The following IGSF21 variants were observed in gnomAD, a reference collection of about 807,000 sequenced individuals.
IGSF21 encodes immunoglobulin superfamily member 21.
A neutral mutation model predicts 46.8 loss-of-function variants in IGSF21; 28 were observed. The observed-to-expected ratio is 0.60, with a 90% CI of 0.44 to 0.82. The LOEUF (loss-of-function observed/expected upper bound fraction) is 0.82, where lower values mean the gene tolerates loss of function less well. Among genes scored for constraint, IGSF21 ranks in the 40% least tolerant of loss-of-function variants. IGSF21 has a pLI of 0.00. For synonymous variants in IGSF21, 284 were observed against 273.6 expected, an observed-to-expected ratio of 1.04 and a Z score of -0.38; for missense variants, 624 against 665.5, an observed-to-expected ratio of 0.94 and a Z score of 0.69.
At chr1:18,116,916 G>T (rs1003337839) in intron 1 of IGSF21, among the ~76,000 whole-genome samples, 4 of 152,188 alleles carry the variant, frequency 2.6e-5, no homozygotes, top group South Asian at 4.1e-4. Flanking sequence ...GGCAAGTGAG[G>T]GTTGGAGCTA....
chr1:18,135,533 T>C (rs1570255953), intron 1 of IGSF21, among the ~76,000 whole-genome samples: 1 of 151,964 alleles, frequency 6.6e-6, no homozygotes, highest in African/African-American at 2.4e-5. Context: ...GTCCTTGCGA[T>C]AGTTTGCTGA....
chr1:18,299,823 C>T (rs534584156), intron 3 of IGSF21, among the ~76,000 whole-genome samples: 4 of 152,254 alleles, frequency 2.6e-5, no homozygotes, highest in African/African-American at 7.2e-5. Context: ...TGGCTTTCCA[C>T]CCCAAGTGGG....
chr1:18,375,035 T>C (rs886712319), intron 6 of IGSF21, among the ~76,000 whole-genome samples: 1 of 152,170 alleles, frequency 6.6e-6, no homozygotes, highest in African/African-American at 2.4e-5. Context: ...CTCGTGAGCT[T>C]CACAGCTCAG....
intron 6 of IGSF21, among the ~76,000 whole-genome samples, chr1:18,374,529 T>C (rs1003698280): frequency 5.3e-5 from 8 of 151,818 alleles, no homozygotes; most frequent in Non-Finnish European, 1.2e-4. Flanking sequence ...CAGTGGCCCT[T>C]CCACACGACT....
At position 18,337,356 on chromosome 1, in the gene IGSF21, T is replaced by G. The variant is rs1271305625; in HGVS notation, c.424+2346T>G. Among the ~76,000 whole-genome samples the G allele has an allele frequency of 6.6e-6, 1 of 152,200 alleles. No individual in the cohort carries two copies. Among genetic ancestry groups the G allele is most frequent in the Non-Finnish European group, 1.5e-5 (1 of 68,034 alleles). ...TGTGAGGCTTAAAGTAGATAAAGTT[T>G]GCAGAACGCCTACCTCATCAAGAAT... is the stretch of plus-strand genomic sequence containing the variant. On this transcript the variant is annotated intron_variant, in intron 4 of 9. Coordinates refer to ENST00000251296, the MANE Select transcript of IGSF21 (RefSeq NM_032880.5). This position sits in a 1 kb window ranked among gnomAD's most constrained non-coding sequence, Gnocchi z 5.7.
rs146456107 is a variant in IGSF21, at chr1:18,221,527, G to A, written c.71-6371G>A. Among the ~76,000 whole-genome samples, 839 of 152,288 alleles carry A rather than the reference G, an allele frequency of 5.5e-3. 4 individuals carry two copies. The highest frequency in any genetic ancestry group is 0.041 in the Middle Eastern group (12 of 294). ...GGGATGTTGCCAGGAGAGTTCCTGGGTGTAGGAGCTATTTGTCATCACCTC... is the reference window on the plus strand; with the variant it reads ...GGGATGTTGCCAGGAGAGTTCCTGGATGTAGGAGCTATTTGTCATCACCTC... On this transcript the variant is annotated intron_variant, in intron 1 of 9. Coordinates refer to ENST00000251296, the MANE Select transcript of IGSF21 (RefSeq NM_032880.5).
intron 3 of IGSF21, among the ~76,000 whole-genome samples, chr1:18,298,184 C>T (rs1034298896): frequency 2.0e-5 from 3 of 152,104 alleles, no homozygotes; most frequent in African/African-American, 7.2e-5. Flanking sequence ...ACTCTCTGTG[C>T]CCTAGAAGCT....
intron 1 of IGSF21, among the ~76,000 whole-genome samples, chr1:18,207,499 C>G (rs565973272): frequency 6.6e-6 from 1 of 152,190 alleles, no homozygotes; most frequent in Non-Finnish European, 1.5e-5. Flanking sequence ...GGAAGACTCT[C>G]TAATATGGAC....
At chr1:18,116,789 G>T (rs943020743) in intron 1 of IGSF21, among the ~76,000 whole-genome samples, 3 of 152,262 alleles carry the variant, frequency 2.0e-5, no homozygotes, top group African/African-American at 7.2e-5. Context: ...GGGGATTAAA[G>T]GGAGTGGCCC....
At chr1:18,315,007 G>C (rs758407498) in intron 3 of IGSF21, among the ~76,000 whole-genome samples, 1 of 152,096 alleles carries the variant, frequency 6.6e-6, no homozygotes, top group Non-Finnish European at 1.5e-5. Context: ...GCATGAGTTG[G>C]GGTTGATAAG....
chr1:18,189,235 C>T (rs981129814), intron 1 of IGSF21, among the ~76,000 whole-genome samples: 3 of 152,180 alleles, frequency 2.0e-5, no homozygotes, highest in Admixed American at 6.5e-5. Context: ...TTCTCTCTCT[C>T]GCTTGCTGAA....
chr1:18,124,876 G>A lies in IGSF21; in HGVS notation c.70+16678G>A, dbSNP rs577651785. On this transcript the variant is annotated intron_variant, in intron 1 of 9. Transcript: ENST00000251296. Reference sequence around the variant, plus strand: ...ATGCGATAGTTATATTTAGTGCGGCGTGTGGGTCTGAGCAGATGAGTGTGG... The same window carrying A: ...ATGCGATAGTTATATTTAGTGCGGCATGTGGGTCTGAGCAGATGAGTGTGG... Among the ~76,000 whole-genome samples the A allele has an allele frequency of 1.1e-4, 16 of 152,324 alleles. No homozygotes were observed. The South Asian group carries it at 2.9e-3, about 28-fold the overall frequency.
chr1:18,134,470 G>C (rs571987600), intron 1 of IGSF21, among the ~76,000 whole-genome samples: 2 of 152,272 alleles, frequency 1.3e-5, no homozygotes, highest in South Asian at 4.2e-4. Context: ...TCATCTCCCT[G>C]GGGGAGGGTT....
chr1:18,234,610 C>T (rs761960248), intron 2 of IGSF21, among the ~76,000 whole-genome samples: 4 of 152,072 alleles, frequency 2.6e-5, no homozygotes, highest in Non-Finnish European at 4.4e-5. Context: ...GAAGGGGAAG[C>T]GAACACGTCC....
At chr1:18,305,546 TGATGGATG>T (rs151122242) in intron 3 of IGSF21, among the ~76,000 whole-genome samples, 15 of 123,786 alleles carry the variant, frequency 1.2e-4, no homozygotes, top group East Asian at 1.1e-3. Context: ...GATGGATGGA[TGATGGATG>T]GATGGATGGA....
At chr1:18,222,067 T>A (rs1488562693) in intron 1 of IGSF21, among the ~76,000 whole-genome samples, 2 of 152,014 alleles carry the variant, frequency 1.3e-5, no homozygotes, top group Non-Finnish European at 2.9e-5. Flanking sequence ...AGAACTCACC[T>A]CTCCTCTGCT....
intron 1 of IGSF21, among the ~76,000 whole-genome samples, chr1:18,185,783 T>G (rs777417151): frequency 2.0e-5 from 3 of 152,176 alleles, no homozygotes; most frequent in Non-Finnish European, 4.4e-5. Context: ...GATGAATAAA[T>G]CAAAATGTTG....
At chr1:18,121,412 C>A (rs1301628080) in intron 1 of IGSF21, among the ~76,000 whole-genome samples, 2 of 151,668 alleles carry the variant, frequency 1.3e-5, no homozygotes, top group Non-Finnish European at 2.9e-5. Flanking sequence ...TTCTCACGAT[C>A]CTCTATTTCC....
At chr1:18,219,366 C>G (rs918513977) in intron 1 of IGSF21, among the ~76,000 whole-genome samples, 1 of 152,100 alleles carries the variant, frequency 6.6e-6, no homozygotes, top group African/African-American at 2.4e-5. Context: ...TTAGGAAGCT[C>G]AGGGGCCAGC....
Sources: gnomAD v4.1 joint callset for allele counts (sites outside exome capture counted in the v4.1 genomes callset) on GRCh38, gnomAD v4.1.1 for gene constraint, Gnocchi (gnomAD v3.1) non-coding constraint, MANE v1.5 for transcripts, NCBI Gene and HGNC (gene_info 2026-07-23, HGNC 2026-07-21) for gene names.